Variants in INTS6L observed in about 807,000 individuals in gnomAD.
INTS6L encodes integrator complex subunit 6 like.
In INTS6L, 18 loss-of-function variants were observed where a neutral mutation model predicts 64.7. The observed-to-expected ratio is 0.28, with a 90% confidence interval of 0.19 to 0.41. The LOEUF is 0.41. INTS6L is among the 10% of genes least tolerant of loss of function. The probability of loss-of-function intolerance (pLI) is 1.00; values close to 1 mark genes in which losing one functional copy is unlikely to be tolerated. For missense variants in INTS6L, 533 were observed against 661.0 expected (o/e 0.81, Z 2.12); for synonymous variants, 227 against 235.9 (o/e 0.96, Z 0.34).
intron 11 of INTS6L, chrX:135,570,781 C>A: frequency 2.9e-6 from 1 of 339,664 alleles, no homozygotes; most frequent in Non-Finnish European, 5.0e-6. Context: ...GTTTGTCCTA[C>A]CCGCAAGCTG....
chrX:135,558,711 C>T (rs2086704079), intron 9 of INTS6L, among the ~76,000 whole-genome samples: 1 of 111,146 alleles, frequency 9.0e-6, no homozygotes, highest in Non-Finnish European at 1.9e-5. Context: ...GTTAACACTA[C>T]TGGACTGTAC....
intron 9 of INTS6L, among the ~76,000 whole-genome samples, chrX:135,568,247 T>C (rs1556525761): frequency 8.9e-6 from 1 of 111,788 alleles, no homozygotes; most frequent in Non-Finnish European, 1.9e-5. Context: ...TTAAAATAAT[T>C]AAATTTAAGT....
At chrX:135,554,757 T>C (rs1285268807) in intron 8 of INTS6L, among the ~76,000 whole-genome samples, 1 of 110,207 alleles carries the variant, frequency 9.1e-6, no homozygotes, top group African/African-American at 3.3e-5. Context: ...CAGTACAACA[T>C]ATCAACTGTA....
chrX:135,544,717 A>C (rs145255972), intron 2 of INTS6L, among the ~76,000 whole-genome samples: 18 of 111,683 alleles, frequency 1.6e-4, no homozygotes, highest in African/African-American at 5.9e-4. Flanking sequence ...CCTTCCTTCT[A>C]TTCTACAAAC....
chrX:135,551,984 T>A lies in INTS6L; in HGVS notation c.907-10T>A, dbSNP rs782241286. 7.7e-5 allele frequency: 83 copies of A among 1,084,203 alleles called. No homozygotes were observed. Among genetic ancestry groups the A allele is most frequent in the South Asian group, 3.3e-4 (13 of 39,091 alleles). The allele number at this position is 1,084,203 out of a possible 1,213,427, so 89.4% of individuals were successfully genotyped here. A position where few individuals can be genotyped will look rare whatever the true frequency, so the allele number is the denominator to read the frequency against. ...CATTTTTTCTGCTTTTTTTAAAAAATTTTTTTTAGCCTCCACGAACATCTC... is the reference window on the plus strand; with the variant it reads ...CATTTTTTCTGCTTTTTTTAAAAAAATTTTTTTAGCCTCCACGAACATCTC... On this transcript the variant is annotated splice_polypyrimidine_tract_variant and intron_variant, in intron 7 of 17. Transcript: ENST00000639893.
chrX:135,527,621 GA>G (rs2085776335), intron 2 of INTS6L, among the ~76,000 whole-genome samples: 1 of 112,277 alleles, frequency 8.9e-6, no homozygotes, highest in African/African-American at 3.2e-5. Flanking sequence ...TTGTAAGCTA[GA>G]TTTTGTACAT....
rs781865798 is a variant in INTS6L, at chrX:135,520,684, G to T, written c.-309G>T. On this transcript the variant is annotated 5_prime_UTR_variant, in exon 1 of 18. Transcript: ENST00000639893. Reference sequence around the variant, plus strand: ...CAGTCTGGGGCGAGCGCTCTAGTGAGCGCGGACGGATGCTTAGGCAGTAGT... The same window carrying T: ...CAGTCTGGGGCGAGCGCTCTAGTGATCGCGGACGGATGCTTAGGCAGTAGT... The T allele has an allele frequency of 1.6e-5, 5 of 305,316 alleles. No homozygotes were observed. The East Asian group carries it at 2.8e-4, about 17-fold the overall frequency. The allele number at this position is 305,316 out of a possible 1,213,427, so 25.2% of individuals were successfully genotyped here.
chrX:135,572,167 T>C (rs1556527875), intron 11 of INTS6L: 1 of 112,166 alleles, frequency 8.9e-6, no homozygotes, highest in African/African-American at 3.2e-5. Flanking sequence ...ACACAAAATA[T>C]GCCAAATATA....
intron 2 of INTS6L, among the ~76,000 whole-genome samples, chrX:135,540,936 G>A (rs1344434149): frequency 5.4e-5 from 6 of 111,338 alleles, no homozygotes; most frequent in Admixed American, 9.5e-5. Context: ...CACCATACCC[G>A]GCTATTTTTG....
At chrX:135,564,260 CTTAG>C (rs1403118833) in intron 9 of INTS6L, among the ~76,000 whole-genome samples, 3 of 111,326 alleles carry the variant, frequency 2.7e-5, no homozygotes, top group South Asian at 3.7e-4. Flanking sequence ...AAAATTTCCA[CTTAG>C]TTATTCTTTA....
intron 2 of INTS6L, among the ~76,000 whole-genome samples, chrX:135,536,434 T>G (rs1164771046): frequency 8.9e-6 from 1 of 111,981 alleles, no homozygotes; most frequent in Non-Finnish European, 1.9e-5. Flanking sequence ...TTTATTAAAC[T>G]TGTACATTAT....
At chrX:135,579,002 G>A (rs1027244598) in intron 15 of INTS6L, among the ~76,000 whole-genome samples, 5 of 111,109 alleles carry the variant, frequency 4.5e-5, no homozygotes, top group Non-Finnish European at 9.4e-5. Context: ...CCTAACACGG[G>A]AGCCCCTGGG....
intron 14 of INTS6L, among the ~76,000 whole-genome samples, chrX:135,575,770 A>G (rs1263398535): frequency 1.1e-5 from 1 of 93,696 alleles, no homozygotes; most frequent in Non-Finnish European, 2.1e-5. Flanking sequence ...TCCTACTAAA[A>G]ATCTAAATGT....
rs373900942 is a variant in INTS6L at position 135,547,300 on chromosome X, A to G, written c.742+35A>G. ...ATAACTTTTTTAACCCTAAAGTGTT[A>G]TATAGGAGAATGAGAAGACATTAAA... On this transcript the variant is annotated intron_variant, in intron 6 of 17. Coordinates refer to ENST00000639893, the MANE Select transcript of INTS6L (RefSeq NM_001351601.3). 18 of 1,156,838 alleles carry G rather than the reference A, an allele frequency of 1.6e-5. No individual in the cohort carries two copies. The African/African-American group carries it at 3.1e-4, about 20-fold the overall frequency.
chrX:135,549,783 C>T lies in INTS6L; in HGVS notation c.884C>T (p.Pro295Leu). 1 of 1,211,152 alleles carries T rather than the reference C, an allele frequency of 8.3e-7. No homozygotes were observed. The highest frequency in any genetic ancestry group is 1.1e-6 in the Non-Finnish European group (1 of 895,207). The change falls in exon 7 of 18, where the codon CCA becomes CTA. Residue 295 changes from proline (P) to leucine (L), a missense_variant. Transcript: ENST00000639893. ...GHWPIPESFW[P>L]DQNLPSLPPR... The stretch of plus-strand genomic sequence containing the variant: ...TGGCCAATTCCAGAATCTTTTTGGC[C>T]AGATCAGAATTTACCTTCACTAGTA...
At chrX:135,560,959 C>T (rs868951697) in intron 9 of INTS6L, among the ~76,000 whole-genome samples, 53 of 84,160 alleles carry the variant, frequency 6.3e-4, no homozygotes, top group Admixed American at 9.3e-4. Flanking sequence ...TCTTTTCTTT[C>T]TTTTTTTTTT....
At chrX:135,544,244 A>G (rs2086297772) in intron 2 of INTS6L, among the ~76,000 whole-genome samples, 1 of 111,866 alleles carries the variant, frequency 8.9e-6, no homozygotes, top group African/African-American at 3.3e-5. Context: ...GGTTTGCTCA[A>G]GGTCACACAG....
Position 135,577,056 on chromosome X carries a change from T to TA in INTS6L, c.1885-130dup, listed in dbSNP as rs1362547612. ...ATATTAGTTAATCTGGCATGGGATT[T>TA]AAAAAAATGAAAGAAAAAAAGACAT... On this transcript the variant is annotated intron_variant, in intron 14 of 17. Coordinates refer to ENST00000639893, the MANE Select transcript of INTS6L (RefSeq NM_001351601.3). 1.9e-5 allele frequency: 12 copies of TA among 622,183 alleles called. No individual in the cohort carries two copies. The African/African-American group carries it at 2.3e-4, about 12-fold the overall frequency. 51.3% of individuals were successfully genotyped at this position (622,183 alleles called of 1,213,427 possible).
At chrX:135,561,591 G>T (rs1332367317) in intron 9 of INTS6L, among the ~76,000 whole-genome samples, 1 of 112,361 alleles carries the variant, frequency 8.9e-6, no homozygotes, top group Non-Finnish European at 1.9e-5. Flanking sequence ...GGAAAAGATT[G>T]TGTATAATTG....
Sources: gnomAD v4.1 joint callset for allele counts (sites outside exome capture counted in the v4.1 genomes callset) on GRCh38, gnomAD v4.1.1 for gene constraint, MANE v1.5 for transcripts, NCBI Gene and HGNC (gene_info 2026-07-23, HGNC 2026-07-21) for gene names.